The following SYT1 variants were observed in gnomAD, a reference collection of about 807,000 sequenced individuals.
SYT1 encodes synaptotagmin-1.
Under a neutral mutation model 44.8 loss-of-function variants are expected in SYT1, and 8 were observed. The observed-to-expected ratio is 0.18, with a 90% confidence interval of 0.10 to 0.32. The LOEUF (loss-of-function observed/expected upper bound fraction) is 0.32. Among genes scored for constraint, SYT1 ranks in the 10% least tolerant of loss-of-function variants. The pLI is 1.00. For missense variants in SYT1, 286 were observed against 509.3 expected (o/e 0.56, Z 4.22); for synonymous variants, 154 against 188.8 (o/e 0.82, Z 1.51).
At chr12:78,892,381 C>T (rs1430476991) in intron 1 of SYT1, among the ~76,000 whole-genome samples, 1 of 151,572 alleles carries the variant, frequency 6.6e-6, no homozygotes, top group Non-Finnish European at 1.5e-5. Flanking sequence ...GTCACATACA[C>T]CCAGGGGATC....
At chr12:79,410,225 G>A (rs780614208) in intron 9 of SYT1, among the ~76,000 whole-genome samples, 2 of 152,046 alleles carry the variant, frequency 1.3e-5, no homozygotes, top group Non-Finnish European at 2.9e-5. Context: ...TATATTCACA[G>A]GGTACAAATT....
intron 3 of SYT1, among the ~76,000 whole-genome samples, chr12:79,117,692 TATATATATATATATATATATATAA>T (rs1326452514): frequency 4.8e-5 from 4 of 83,580 alleles, no homozygotes; most frequent in African/African-American, 1.4e-4. Context: ...TATATATATA[TATATATATATATATATATATATAA>T]AATAAATAGG....
chr12:79,421,977 A>G (rs924798105), intron 9 of SYT1, among the ~76,000 whole-genome samples: 2 of 151,718 alleles, frequency 1.3e-5, no homozygotes, highest in African/African-American at 2.4e-5. Flanking sequence ...AGGGACATCA[A>G]TTTCCTCATG....
At chr12:78,922,059 A>G (rs1454808548) in intron 1 of SYT1, among the ~76,000 whole-genome samples, 1 of 151,994 alleles carries the variant, frequency 6.6e-6, no homozygotes, top group Non-Finnish European at 1.5e-5. Flanking sequence ...TCAAAAAGTT[A>G]CATCTAAATA....
At chr12:79,179,307 T>A (rs11610132) in intron 3 of SYT1, among the ~76,000 whole-genome samples, 1 of 80,558 alleles carries the variant, frequency 1.2e-5, no homozygotes, top group Non-Finnish European at 2.3e-5. Flanking sequence ...TTTAGATATA[T>A]CTATATAGAT....
At chr12:78,972,559 G>A (rs1456372467) in intron 1 of SYT1, among the ~76,000 whole-genome samples, 1 of 151,036 alleles carries the variant, frequency 6.6e-6, no homozygotes, top group Non-Finnish European at 1.5e-5. Context: ...ATATATTTAT[G>A]AGGCACATTT....
intron 9 of SYT1, among the ~76,000 whole-genome samples, chr12:79,432,607 A>C (rs1869864129): frequency 6.6e-6 from 1 of 152,228 alleles, no homozygotes; most frequent in South Asian, 2.1e-4. Flanking sequence ...TCCCTTAAAA[A>C]AATAAGTTTC....
intron 3 of SYT1, among the ~76,000 whole-genome samples, chr12:79,072,320 T>G (rs946452328): frequency 6.6e-6 from 1 of 152,094 alleles, no homozygotes; most frequent in African/African-American, 2.4e-5. Flanking sequence ...GATAAAATCT[T>G]GTCCAGAGAT....
chr12:79,428,957 G>T (rs916147512), intron 9 of SYT1, among the ~76,000 whole-genome samples: 5 of 152,020 alleles, frequency 3.3e-5, no homozygotes, highest in Non-Finnish European at 5.9e-5. Context: ...AACAAGAGAA[G>T]GTGCAAGAGA....
chr12:79,052,763 T>C (rs1245834670), intron 3 of SYT1, among the ~76,000 whole-genome samples: 2 of 152,064 alleles, frequency 1.3e-5, no homozygotes, highest in East Asian at 3.9e-4. Context: ...AAAATGCTCA[T>C]CATCACTGGC....
At chr12:79,194,145 T>C (rs868736965) in intron 3 of SYT1, among the ~76,000 whole-genome samples, 11 of 152,284 alleles carry the variant, frequency 7.2e-5, no homozygotes, top group African/African-American at 2.6e-4. Context: ...AGGCCTACTA[T>C]AAAATTTGGT....
In SYT1 at chr12:79,449,788, C is replaced by T. The variant is rs1025244518; in HGVS notation, c.*664C>T. ...CCAGGCTGACCTCAAGGAAGCATAG[C>T]CACAAAACAGAATAGCACCTGTCTG... On this transcript the variant is annotated 3_prime_UTR_variant, in exon 11 of 11. Transcript: ENST00000261205. 1.3e-5 allele frequency: 2 copies of T among 152,166 alleles called. No individual in the cohort carries two copies. The highest frequency in any genetic ancestry group is 4.8e-5 in the African/African-American group (2 of 41,384). The allele number at this position is 152,166 out of a possible 1,614,324, so 9.4% of individuals were successfully genotyped here. A position where few individuals can be genotyped will look rare whatever the true frequency, so the allele number is the denominator to read the frequency against.
rs556411208 is a variant in SYT1 at position 79,440,477 on chromosome 12, A to G, written c.929-3596A>G. ...GAGATATAGAGTGCCTAGAGACAGTAGCCCAATTTTTTGGTTGCAGGTTTC... is the reference window on the plus strand; with the variant it reads ...GAGATATAGAGTGCCTAGAGACAGTGGCCCAATTTTTTGGTTGCAGGTTTC... On this transcript the variant is annotated intron_variant, in intron 9 of 10. Coordinates refer to ENST00000261205, the MANE Select transcript of SYT1 (RefSeq NM_005639.3). Among the ~76,000 whole-genome samples the G allele has an allele frequency of 7.7e-4, 117 of 152,350 alleles. 3 individuals are homozygous for G. In the South Asian group the frequency reaches 0.024, roughly 31 times the overall value.
At chr12:79,084,154 C>T (rs1877226789) in intron 3 of SYT1, among the ~76,000 whole-genome samples, 2 of 152,048 alleles carry the variant, frequency 1.3e-5, no homozygotes, top group Non-Finnish European at 2.9e-5. Flanking sequence ...TCATTATTTT[C>T]ATTAATAAAG....
chr12:78,953,551 A>G (rs890608195), intron 1 of SYT1, among the ~76,000 whole-genome samples: 2 of 152,058 alleles, frequency 1.3e-5, no homozygotes, highest in African/African-American at 4.8e-5. Flanking sequence ...TTGAGGTATT[A>G]TTGTCTTGAA....
intron 2 of SYT1, among the ~76,000 whole-genome samples, chr12:79,020,532 C>CA (rs1446271550): frequency 2.0e-5 from 3 of 151,790 alleles, no homozygotes; most frequent in Non-Finnish European, 4.4e-5. Flanking sequence ...TAAACAACAA[C>CA]AAAAAAAGTA....
intron 2 of SYT1, among the ~76,000 whole-genome samples, chr12:78,986,755 T>C (rs1869668569): frequency 6.6e-6 from 1 of 152,042 alleles, no homozygotes; most frequent in African/African-American, 2.4e-5. Context: ...ACAGAATATA[T>C]ATCTATTTGT....
intron 8 of SYT1, among the ~76,000 whole-genome samples, chr12:79,334,447 A>C (rs1429600595): frequency 3.3e-5 from 5 of 152,152 alleles, no homozygotes; most frequent in African/African-American, 7.2e-5. Flanking sequence ...AGAAGGGCCA[A>C]ACTTGAACGA....
rs368394334 is a variant in SYT1, at chr12:79,051,555, A to T, written c.-18+4193A>T. Among the ~76,000 whole-genome samples, 5 of 151,638 alleles carry T rather than the reference A, an allele frequency of 3.3e-5. No individual in the cohort carries two copies. In the East Asian group the frequency reaches 9.7e-4, roughly 29 times the overall value. The stretch of plus-strand genomic sequence containing the variant: ...CGAATCCATAGGAAAATGTGAGGAC[A>T]TTCAAGATTACACAGTGAAAAAACA... On this transcript the variant is annotated intron_variant, in intron 3 of 10. Transcript: ENST00000261205.
Sources: allele counts gnomAD v4.1 joint callset (sites outside exome capture counted in the v4.1 genomes callset), GRCh38; gene constraint gnomAD v4.1.1; transcripts MANE v1.5; gene names NCBI Gene and HGNC (gene_info 2026-07-23, HGNC 2026-07-21).